ZYG11B: variants seen among roughly 807,000 people sequenced by gnomAD.
ZYG11B encodes zyg-11 family member B, cell cycle regulator, also known as protein zyg-11 homolog B.
ZYG11B carries 36 observed loss-of-function variants against 82.4 expected under a neutral mutation model. The observed-to-expected ratio is 0.44, with a 90% CI of 0.33 to 0.58. The LOEUF is 0.58. Ranked by LOEUF, ZYG11B falls within the 20% of genes least tolerant of loss-of-function variation. ZYG11B has a pLI of 0.02. For missense variants in ZYG11B, 552 were observed against 895.6 expected (o/e 0.62, Z 4.90); for synonymous variants, 303 against 312.8 (o/e 0.97, Z 0.33).
At chr1:52,787,741 T>G (rs1464783804) in intron 5 of ZYG11B, among the ~76,000 whole-genome samples, 1 of 152,192 alleles carries the variant, frequency 6.6e-6, no homozygotes, top group Non-Finnish European at 1.5e-5. Context: ...CTACATATAT[T>G]TTGTAAATAT....
chr1:52,785,486 C>G (rs1194491362), intron 5 of ZYG11B, among the ~76,000 whole-genome samples: 2 of 152,144 alleles, frequency 1.3e-5, no homozygotes, highest in Non-Finnish European at 1.5e-5. Context: ...TAAACAGAGT[C>G]TTGCTCTGTT....
At chr1:52,781,793 T>C (rs190043652) in intron 4 of ZYG11B, among the ~76,000 whole-genome samples, 4 of 152,372 alleles carry the variant, frequency 2.6e-5, no homozygotes, top group African/African-American at 9.6e-5. Context: ...CAACTTGATA[T>C]CCTACATATC....
intron 1 of ZYG11B, among the ~76,000 whole-genome samples, chr1:52,752,945 T>G (rs1190247263): frequency 6.6e-6 from 1 of 152,072 alleles, no homozygotes; most frequent in East Asian, 1.9e-4. Flanking sequence ...CCTCCTGTGT[T>G]CAAGTGATTC....
At chr1:52,795,260 C>A (rs973122646) in intron 6 of ZYG11B, among the ~76,000 whole-genome samples, 1 of 152,160 alleles carries the variant, frequency 6.6e-6, no homozygotes, top group Non-Finnish European at 1.5e-5. Context: ...CTTTGCCCTT[C>A]CATCTCCTTC....
intron 4 of ZYG11B, among the ~76,000 whole-genome samples, chr1:52,781,697 CA>C (rs1644857991): frequency 6.6e-6 from 1 of 152,096 alleles, no homozygotes; most frequent in Non-Finnish European, 1.5e-5. Context: ...GGCACAATTC[CA>C]AGAGATGGGT....
rs1553257617 is a variant in ZYG11B at position 52,741,315 on chromosome 1, A to AAAAAAG, written c.30+14636_30+14637insAGAAAA. Among the ~76,000 whole-genome samples the AAAAAAG allele has an allele frequency of 1.4e-3, 193 of 142,596 alleles. 3 individuals are homozygous for AAAAAAG. The highest frequency in any genetic ancestry group is 3.6e-3 in the African/African-American group (124 of 34,744). The allele number at this position is 142,596 out of a possible 152,430, so 93.5% of individuals were successfully genotyped here. On this transcript the variant is annotated intron_variant, in intron 1 of 13. Transcript: ENST00000294353. ...CTTCGTCTCAAAAAAAAAAAAAAAA[A>AAAAAAG]AAAAGAAAAGAAAAGAAAGTTTTTT...
chr1:52,802,334 T>TTC (rs200268616), intron 10 of ZYG11B, among the ~76,000 whole-genome samples, 195 bp downstream of exon 10: 21 of 142,992 alleles, frequency 1.5e-4, no homozygotes, highest in Middle Eastern at 3.4e-3. Context: ...ATTTCTTTCT[T>TTC]TCTCTCTTTT....
intron 5 of ZYG11B, 88 bp from the exon 6 acceptor site, chr1:52,789,915 C>CTTTTT (rs58685388): frequency 1.1e-5 from 8 of 730,662 alleles, no homozygotes; most frequent in African/African-American, 7.4e-5. Flanking sequence ...CAGTCTTCTT[C>CTTTTT]TTTTTTTTTT....
intron 10 of ZYG11B, among the ~76,000 whole-genome samples, chr1:52,806,942 C>T (rs750193418): frequency 1.3e-5 from 2 of 151,620 alleles, no homozygotes; most frequent in African/African-American, 2.4e-5. Context: ...GATCTCAGCT[C>T]GCTGCAACCT....
rs1293809937 is a variant in ZYG11B at position 52,776,229 on chromosome 1, A to AATATATATATATATAT, written c.952-3623_952-3608dup. ...AGCAAAACTCTGTCTTAAAAAAAAAAATATATATATATATATGCAATAAAG... is the reference window on the plus strand; with the variant it reads ...AGCAAAACTCTGTCTTAAAAAAAAAAATATATATATATATATATATATATATATATATGCAATAAAG... On this transcript the variant is annotated intron_variant, in intron 3 of 13. Coordinates refer to ENST00000294353, the MANE Select transcript of ZYG11B (RefSeq NM_024646.3). Among the ~76,000 whole-genome samples the AATATATATATATATAT allele has an allele frequency of 1.2e-3, 29 of 23,518 alleles. 1 individual carries two copies. The highest frequency in any genetic ancestry group is 2.4e-3 in the South Asian group (1 of 422). The allele number at this position is 23,518 out of a possible 152,430, so 15.4% of individuals were successfully genotyped here. A position where few individuals can be genotyped will look rare whatever the true frequency, so the allele number is the denominator to read the frequency against.
In ZYG11B at chr1:52,816,422, C is replaced by T. The variant is rs1057023995; in HGVS notation, c.1947-110C>T. 5.9e-5 allele frequency: 42 copies of T among 710,782 alleles called. No homozygotes were observed. In the African/African-American group the frequency reaches 7.3e-4, roughly 12 times the overall value. The allele number at this position is 710,782 out of a possible 1,614,324, so 44.0% of individuals were successfully genotyped here. ...TATTCTATAGCTCATTTATATTAGT[C>T]TAAATATAATAGGATAAAATTTTGA... On this transcript the variant is annotated intron_variant, in intron 12 of 13. Coordinates refer to ENST00000294353, the MANE Select transcript of ZYG11B (RefSeq NM_024646.3).
intron 8 of ZYG11B, among the ~76,000 whole-genome samples, chr1:52,797,331 A>G (rs1281360567): frequency 1.4e-5 from 1 of 73,914 alleles, no homozygotes; most frequent in Non-Finnish European, 2.2e-5. Context: ...TATATATATT[A>G]TATATTTATA....
At chr1:52,817,783 A>ATATATATATATG (rs1645240764) in intron 13 of ZYG11B, among the ~76,000 whole-genome samples, 1 of 23,144 alleles carries the variant, frequency 4.3e-5, no homozygotes, top group East Asian at 1.7e-3. Flanking sequence ...ATGTGTATAT[A>ATATATATATATG]TATATATATA....
At chr1:52,816,784 T>A in intron 13 of ZYG11B, 155 bp downstream of exon 13, 10 of 333,724 alleles carry the variant, frequency 3.0e-5, no homozygotes, top group East Asian at 2.0e-4. Context: ...GGTATTCTTT[T>A]TTTTTTTTTT....
chr1:52,728,436 T>G (rs1204248306), intron 1 of ZYG11B, among the ~76,000 whole-genome samples: 1 of 152,162 alleles, frequency 6.6e-6, no homozygotes, highest in Non-Finnish European at 1.5e-5. Flanking sequence ...TGTAAAACTT[T>G]TTGTAGAAAT....
At position 52,726,503 on chromosome 1, in the gene ZYG11B, T is replaced by G. The variant is rs1029542624; in HGVS notation, c.-151T>G. 14 of 665,314 alleles carry G rather than the reference T, an allele frequency of 2.1e-5. No individual in the cohort carries two copies. The highest frequency in any genetic ancestry group is 9.5e-5 in the African/African-American group (5 of 52,666). 41.2% of individuals were successfully genotyped at this position (665,314 alleles called of 1,614,324 possible). A position where few individuals can be genotyped will look rare whatever the true frequency, so the allele number is the denominator to read the frequency against. On this transcript the variant is annotated 5_prime_UTR_variant, in exon 1 of 14. Coordinates refer to ENST00000294353, the MANE Select transcript of ZYG11B (RefSeq NM_024646.3). ...CGGCTGCGGCTGCGGCTGCGGCTGC[T>G]ACTGCTACGCTCCTAGCTTGAGGGA...
intron 1 of ZYG11B, among the ~76,000 whole-genome samples, chr1:52,753,827 C>T (rs1012913593): frequency 2.6e-5 from 4 of 152,082 alleles, no homozygotes; most frequent in East Asian, 1.9e-4. Context: ...AACTCCCGAC[C>T]GCAGGTGATC....
At chr1:52,787,376 A>G (rs1011278351) in intron 5 of ZYG11B, among the ~76,000 whole-genome samples, 3 of 152,238 alleles carry the variant, frequency 2.0e-5, no homozygotes, top group African/African-American at 7.2e-5. Flanking sequence ...ATATAAATAC[A>G]TGTTTTGATA....
At chr1:52,777,402 C>T (rs1217166537) in intron 3 of ZYG11B, among the ~76,000 whole-genome samples, 1 of 152,002 alleles carries the variant, frequency 6.6e-6, no homozygotes, top group Non-Finnish European at 1.5e-5. Context: ...CATGATACAT[C>T]CCTTCATTTC....
Sources: allele counts gnomAD v4.1 joint callset (sites outside exome capture counted in the v4.1 genomes callset), GRCh38; gene constraint gnomAD v4.1.1; transcripts MANE v1.5; gene names NCBI Gene and HGNC (gene_info 2026-07-23, HGNC 2026-07-21).